The following AK9 variants were observed in gnomAD, a reference collection of about 807,000 sequenced individuals.
AK9 encodes the protein adenylate kinase domain containing 1.
AK9 carries 191 observed loss-of-function variants against 239.6 expected under a neutral mutation model. The ratio of observed to expected loss-of-function variants is 0.80; its 90% CI spans 0.71 to 0.90. The LOEUF (loss-of-function observed/expected upper bound fraction) is 0.90. AK9 is among the 40% of genes least tolerant of loss of function. The pLI, the probability that AK9 is intolerant of heterozygous loss-of-function variation, is 0.00. For missense variants in AK9, 1,995 were observed against 2,214.7 expected, an observed-to-expected ratio of 0.90 and a Z score of 1.99; for synonymous variants, 689 against 721.0, an observed-to-expected ratio of 0.96 and a Z score of 0.71.
chr6:109,574,250 C>A (rs970018006), intron 20 of AK9, among the ~76,000 whole-genome samples: 1 of 152,036 alleles, frequency 6.6e-6, no homozygotes, highest in Admixed American at 6.6e-5. Flanking sequence ...TGGCACACAC[C>A]TGTAGCCCCA....
chr6:109,545,272 C>T (rs2128154738), intron 26 of AK9, among the ~76,000 whole-genome samples: 1 of 152,236 alleles, frequency 6.6e-6, no homozygotes, highest in South Asian at 2.1e-4. Context: ...AGACCCCCAT[C>T]TCTACAAAAA....
At chr6:109,540,585 C>G (rs9320293) in intron 27 of AK9, among the ~76,000 whole-genome samples, 2 of 152,094 alleles carry the variant, frequency 1.3e-5, no homozygotes, top group African/African-American at 4.8e-5. Flanking sequence ...CTTTGGCTCA[C>G]GCTCAGTGGG....
At chr6:109,578,270 T>A (rs1358063949) in intron 20 of AK9, among the ~76,000 whole-genome samples, 1 of 151,962 alleles carries the variant, frequency 6.6e-6, no homozygotes, top group African/African-American at 2.4e-5. Context: ...GGTTTCGCCA[T>A]GTTGGCCAGG....
intron 29 of AK9, among the ~76,000 whole-genome samples, chr6:109,520,391 TTTG>T (rs915004560): frequency 1.3e-5 from 2 of 152,070 alleles, no homozygotes; most frequent in African/African-American, 2.4e-5. Flanking sequence ...TCTATTATTT[TTTG>T]TTGTTGTTGT....
At chr6:109,573,917 C>T (rs1247711061) in intron 20 of AK9, among the ~76,000 whole-genome samples, 1 of 152,062 alleles carries the variant, frequency 6.6e-6, no homozygotes, top group Non-Finnish European at 1.5e-5. Context: ...GCTACATCAG[C>T]ACCATTCAAT....
Position 109,674,204 on chromosome 6 carries a change from C to T in AK9, c.175G>A (p.Val59Ile), listed in dbSNP as rs1345777349. 9 of 1,576,096 alleles carry T rather than the reference C, an allele frequency of 5.7e-6. No individual in the cohort carries two copies. The highest frequency in any genetic ancestry group is 7.7e-6 in the Non-Finnish European group (9 of 1,164,940). Residue 59 changes from valine (V) to isoleucine (I), a missense_variant, in exon 3 of 41, where the codon GTT becomes ATT. Val to Ile is a conservative substitution (Grantham distance 29). This residue lies in a region of AK9 where 252 missense variants were observed against 246.4 expected (regional missense o/e 1.02). Transcript: ENST00000424296. ...GAAAAAAGATAAAATTTACCTTCAACACGAATACATTTCCATGCCTGTGTT... is the reference window on the plus strand; with the variant it reads ...GAAAAAAGATAAAATTTACCTTCAATACGAATACATTTCCATGCCTGTGTT... ...YITQAWKCIR[V>I]EALPILEEQI...
intron 15 of AK9, 138 bp downstream of exon 15, chr6:109,614,045 A>G (rs1006538924): frequency 8.2e-6 from 6 of 728,480 alleles, no homozygotes; most frequent in Non-Finnish European, 1.4e-5. Flanking sequence ...GGTTAAATCC[A>G]TAAGGAAATA....
chr6:109,584,253 T>C (rs1309172356), intron 19 of AK9, among the ~76,000 whole-genome samples: 1 of 152,104 alleles, frequency 6.6e-6, no homozygotes, highest in Non-Finnish European at 1.5e-5. Flanking sequence ...TCCCAGCTTC[T>C]TCATTTCTAG....
At chr6:109,539,867 A>G (rs140618501) in intron 27 of AK9, among the ~76,000 whole-genome samples, 3,157 of 152,198 alleles carry the variant, frequency 0.021, 84 homozygotes, top group East Asian at 0.11. Context: ...CTGGGGGTCC[A>G]CTCTAGATCC....
intron 17 of AK9, among the ~76,000 whole-genome samples, chr6:109,596,681 G>C (rs757448864): frequency 3.3e-5 from 5 of 152,102 alleles, no homozygotes; most frequent in Non-Finnish European, 5.9e-5. Flanking sequence ...GGAAGGGAGG[G>C]GTGGCTAAGG....
chr6:109,603,299 C>A (rs1335328964), intron 17 of AK9, among the ~76,000 whole-genome samples: 1 of 152,174 alleles, frequency 6.6e-6, no homozygotes, highest in African/African-American at 2.4e-5. Flanking sequence ...CAGTCAGGAT[C>A]CTCAGCTGCA....
At chr6:109,655,269 A>G (rs1370402345) in intron 8 of AK9, among the ~76,000 whole-genome samples, 1 of 152,150 alleles carries the variant, frequency 6.6e-6, no homozygotes, top group Non-Finnish European at 1.5e-5. Flanking sequence ...ATATTTCATT[A>G]CTTAGATTAG....
rs1274392130 is a variant in AK9 at position 109,516,324 on chromosome 6, A to T, written c.3846+106T>A. On this transcript the variant is annotated intron_variant, in intron 30 of 40. Transcript: ENST00000424296. Reference sequence around the variant, plus strand: ...CCGATAAAAGGAAATACAGCCCTAAAATATACATTTTTTAAATGTTTAAAG... The same window carrying T: ...CCGATAAAAGGAAATACAGCCCTAATATATACATTTTTTAAATGTTTAAAG... 3 of 1,061,338 alleles carry T rather than the reference A, an allele frequency of 2.8e-6. No individual in the cohort carries two copies. In the Admixed American group the frequency reaches 7.9e-5, roughly 28 times the overall value. 65.7% of individuals were successfully genotyped at this position (1,061,338 alleles called of 1,614,324 possible). A position where few individuals can be genotyped will look rare whatever the true frequency, so the allele number is the denominator to read the frequency against.
chr6:109,516,247 G>A (rs1283633625), intron 30 of AK9, among the ~76,000 whole-genome samples, 172 bp from the exon 31 acceptor site: 2 of 152,096 alleles, frequency 1.3e-5, no homozygotes, highest in Non-Finnish European at 2.9e-5. Flanking sequence ...ACCCTCTGTG[G>A]CTTCCACGTT....
At chr6:109,649,000 A>G (rs1046029330) in intron 8 of AK9, among the ~76,000 whole-genome samples, 8 of 152,282 alleles carry the variant, frequency 5.3e-5, no homozygotes, top group African/African-American at 1.9e-4. Context: ...CCACATGATT[A>G]TCTCAACAGA....
rs145074946 is a variant in AK9, at chr6:109,500,861, T to C, written c.4850-1621A>G. Reference sequence around the variant, plus strand: ...GGCGAGACCCTGTCTCTACAAAAAATACAAAAATTAGCCCTCTGTGGTGGC... The same window carrying C: ...GGCGAGACCCTGTCTCTACAAAAAACACAAAAATTAGCCCTCTGTGGTGGC... On this transcript the variant is annotated intron_variant, in intron 35 of 40. Coordinates refer to ENST00000424296, the MANE Select transcript of AK9 (RefSeq NM_001145128.3). 2.5e-3 allele frequency among the ~76,000 whole-genome samples: 383 copies of C among 152,044 alleles called. 1 individual carries two copies. The highest frequency in any genetic ancestry group is 8.9e-3 in the African/African-American group (369 of 41,458).
chr6:109,615,667 A>G (rs1794095758), intron 13 of AK9, among the ~76,000 whole-genome samples: 2 of 152,048 alleles, frequency 1.3e-5, no homozygotes, highest in Admixed American at 1.3e-4. Context: ...TTATTTGTTT[A>G]TAGGCTGAGA....
rs928542860 is a variant in AK9 at position 109,514,511 on chromosome 6, A to T, written c.4066-74T>A. ...GCACTTCCCTGAAACATATTTGAAAAAAACAATTCGTGACATAAGAAAAAA... is the reference window on the plus strand; with the variant it reads ...GCACTTCCCTGAAACATATTTGAAATAAACAATTCGTGACATAAGAAAAAA... On this transcript the variant is annotated intron_variant, in intron 31 of 40. Transcript: ENST00000424296. 7 of 1,307,288 alleles carry T rather than the reference A, an allele frequency of 5.4e-6. No individual in the cohort carries two copies. In the African/African-American group the frequency reaches 1.0e-4, roughly 20 times the overall value. The allele number at this position is 1,307,288 out of a possible 1,614,324, so 81.0% of individuals were successfully genotyped here. A position where few individuals can be genotyped will look rare whatever the true frequency, so the allele number is the denominator to read the frequency against.
intron 29 of AK9, among the ~76,000 whole-genome samples, chr6:109,517,267 A>G (rs1352110189): frequency 6.6e-6 from 1 of 152,180 alleles, no homozygotes. Context: ...TTGGGGAGGC[A>G]TGCTAACACT....
Sources: gnomAD v4.1 joint callset for allele counts (sites outside exome capture counted in the v4.1 genomes callset) on GRCh38, gnomAD v4.1.1 for gene constraint, gnomAD v4.1.1 regional missense constraint, MANE v1.5 for transcripts, NCBI Gene and HGNC (gene_info 2026-07-23, HGNC 2026-07-21) for gene names.